KHDRBS2: variants seen among roughly 807,000 people sequenced by gnomAD.
KHDRBS2 encodes KH RNA binding domain containing, signal transduction associated 2.
KHDRBS2 carries 26 observed loss-of-function variants against 44.3 expected under a neutral mutation model. The observed-to-expected ratio is 0.59, with a 90% CI of 0.43 to 0.81. The LOEUF is 0.81. KHDRBS2 is among the 40% of genes least tolerant of loss of function. KHDRBS2 has a pLI of 0.00. For synonymous variants in KHDRBS2, 194 were observed against 151.1 expected (o/e 1.28, Z -2.08); for missense variants, 476 against 433.1 (o/e 1.10, Z -0.88).
chr6:62,159,265 G>GT lies in KHDRBS2; in HGVS notation c.219+17919dup, dbSNP rs139667021. On this transcript the variant is annotated intron_variant, in intron 2 of 8. Coordinates refer to ENST00000281156, the MANE Select transcript of KHDRBS2 (RefSeq NM_152688.4). ...TAACAAGAAAATTTGGTTAAGCAAAGTAACCGATTAGCTAGGCATTACAGT... is the reference window on the plus strand; with the variant it reads ...TAACAAGAAAATTTGGTTAAGCAAAGTTAACCGATTAGCTAGGCATTACAGT... 8.0e-3 allele frequency among the ~76,000 whole-genome samples: 1,216 copies of GT among 152,228 alleles called. 12 individuals are homozygous for GT. Among genetic ancestry groups the GT allele is most frequent in the African/African-American group, 0.027 (1,139 of 41,536 alleles).
chr6:61,603,772 A>G, the KHDRBS2 span, among the ~76,000 whole-genome samples: 2 of 151,914 alleles, frequency 1.3e-5, no homozygotes, highest in Non-Finnish European at 2.9e-5. Flanking sequence ...GCCTCCCACA[A>G]TTACCATTGT....
At chr6:61,547,083 C>T in the KHDRBS2 span, among the ~76,000 whole-genome samples, 6 of 151,992 alleles carry the variant, frequency 3.9e-5, no homozygotes, top group South Asian at 6.2e-4. Flanking sequence ...ACGTTCACAT[C>T]TTTGGGATGT....
chr6:62,087,615 G>T (rs1240501549), intron 2 of KHDRBS2, among the ~76,000 whole-genome samples: 2 of 152,068 alleles, frequency 1.3e-5, no homozygotes, highest in Non-Finnish European at 2.9e-5. Flanking sequence ...CTCTCTAGTT[G>T]CCCTTAACAT....
intron 2 of KHDRBS2, among the ~76,000 whole-genome samples, chr6:62,135,630 T>C (rs1475691090): frequency 6.6e-6 from 1 of 152,116 alleles, no homozygotes; most frequent in African/African-American, 2.4e-5. Flanking sequence ...ACAACCTCAG[T>C]GTCCATGGAT....
In KHDRBS2 at chr6:61,784,309, A is replaced by T. The variant is rs560164553; in HGVS notation, c.811-51545T>A. On this transcript the variant is annotated intron_variant, in intron 6 of 8. Coordinates refer to ENST00000281156, the MANE Select transcript of KHDRBS2 (RefSeq NM_152688.4). ...ATTATTATAGTAATTGGATAAGTTT[A>T]AAAAATTATCTACTTCATTTAATGA... is the stretch of plus-strand genomic sequence containing the variant. Among the ~76,000 whole-genome samples, 4 of 151,878 alleles carry T rather than the reference A, an allele frequency of 2.6e-5. No homozygotes were observed. In the South Asian group the frequency reaches 8.3e-4, roughly 32 times the overall value.
At chr6:62,238,943 C>T (rs1006474919) in intron 1 of KHDRBS2, among the ~76,000 whole-genome samples, 2 of 151,938 alleles carry the variant, frequency 1.3e-5, no homozygotes, top group Admixed American at 6.6e-5. Context: ...AATGAGAAAA[C>T]AATCTAAGCA....
Position 62,286,115 on chromosome 6 carries a change from G to C in KHDRBS2, c.-167C>G. The stretch of plus-strand genomic sequence containing the variant: ...GCACCCAGCACCTGCGACTCCCGCC[G>C]TCGGGCTGCGTGGCCCCGCGCCCAC... On this transcript the variant is annotated 5_prime_UTR_variant, in exon 1 of 9. Coordinates refer to ENST00000281156, the MANE Select transcript of KHDRBS2 (RefSeq NM_152688.4). 1.7e-6 allele frequency: 1 copy of C among 578,558 alleles called. No homozygotes were observed. The highest frequency in any genetic ancestry group is 2.1e-5 in the South Asian group (1 of 47,544). 35.8% of individuals were successfully genotyped at this position (578,558 alleles called of 1,614,324 possible). A position where few individuals can be genotyped will look rare whatever the true frequency, so the allele number is the denominator to read the frequency against.
chr6:61,683,030 C>G (rs1256633594), intron 8 of KHDRBS2, among the ~76,000 whole-genome samples: 1 of 151,786 alleles, frequency 6.6e-6, no homozygotes, highest in African/African-American at 2.4e-5. Context: ...GAATGTACTA[C>G]TTTTTGCTCC....
At chr6:61,754,157 AG>A (rs1476908615) in intron 6 of KHDRBS2, among the ~76,000 whole-genome samples, 1 of 152,188 alleles carries the variant, frequency 6.6e-6, no homozygotes, top group South Asian at 2.1e-4. Context: ...CAGCAGCATT[AG>A]GTAACTAATA....
chr6:61,593,965 A>C, the KHDRBS2 span, among the ~76,000 whole-genome samples: 1 of 152,132 alleles, frequency 6.6e-6, no homozygotes, highest in Non-Finnish European at 1.5e-5. Flanking sequence ...ATGACATTCC[A>C]GTCAAAGCTT....
intron 1 of KHDRBS2, among the ~76,000 whole-genome samples, chr6:62,255,969 T>TA (rs990491583): frequency 2.1e-4 from 31 of 147,202 alleles, no homozygotes; most frequent in African/African-American, 2.2e-4. Context: ...CTGTCTTTAC[T>TA]AAAAAAAAAA....
chr6:61,544,468 A>G, the KHDRBS2 span, among the ~76,000 whole-genome samples: 1 of 152,122 alleles, frequency 6.6e-6, no homozygotes, highest in Non-Finnish European at 1.5e-5. Flanking sequence ...CCTCCAAGCT[A>G]AAATAGCAAA....
intron 6 of KHDRBS2, among the ~76,000 whole-genome samples, chr6:61,809,577 A>G (rs1051281355): frequency 1.3e-5 from 2 of 152,128 alleles, no homozygotes; most frequent in Non-Finnish European, 2.9e-5. Context: ...AAAAACCTAA[A>G]GCCAATGTTT....
chr6:61,612,665 A>G, the KHDRBS2 span, among the ~76,000 whole-genome samples: 1 of 152,170 alleles, frequency 6.6e-6, no homozygotes, highest in East Asian at 1.9e-4. Context: ...CACTTTACAT[A>G]TATTATTTCA....
At chr6:62,080,308 T>G (rs1797150543) in intron 2 of KHDRBS2, among the ~76,000 whole-genome samples, 1 of 152,088 alleles carries the variant, frequency 6.6e-6, no homozygotes, top group African/African-American at 2.4e-5. Flanking sequence ...CAAACCTCTA[T>G]AGACAAATCT....
At chr6:62,078,013 C>T (rs1468154722) in intron 2 of KHDRBS2, among the ~76,000 whole-genome samples, 1 of 152,016 alleles carries the variant, frequency 6.6e-6, no homozygotes, top group East Asian at 1.9e-4. Flanking sequence ...TGAAAATGCA[C>T]ACGTAGCATC....
chr6:61,848,679 C>G (rs1253117512), intron 6 of KHDRBS2, among the ~76,000 whole-genome samples: 2 of 145,290 alleles, frequency 1.4e-5, no homozygotes, highest in African/African-American at 5.1e-5. Context: ...CTCTGAAGTA[C>G]TTTCCTGGTC....
chr6:61,623,895 G>A, the KHDRBS2 span, among the ~76,000 whole-genome samples: 6 of 152,144 alleles, frequency 3.9e-5, no homozygotes, highest in Admixed American at 3.3e-4. Flanking sequence ...AAAACACAGT[G>A]GAGAGAGAAA....
In KHDRBS2 at chr6:61,697,233, T is replaced by C. The variant is rs61753608; in HGVS notation, c.914A>G (p.Tyr305Cys). 3,103 of 1,608,720 alleles carry C rather than the reference T, an allele frequency of 1.9e-3. 7 individuals carry two copies. The highest frequency in any genetic ancestry group is 2.5e-3 in the Non-Finnish European group (2,914 of 1,175,226). Reference protein sequence around the residue: ...QTQSVPEYYDYGHGVSEDAYD... With the variant: ...QTQSVPEYYDCGHGVSEDAYD... ...GGCATCCTCACTTACTCCATGACCG[T>C]AGTCATAGTATTCAGGCACACTGCA... Residue 305 changes from tyrosine to cysteine, a missense_variant, in exon 8 of 9, where the codon TAC (tyrosine) becomes TGC (cysteine). Physicochemically the swap from Tyr to Cys is radical, Grantham distance 194 (BLOSUM62 -2). Coordinates refer to ENST00000281156, the MANE Select transcript of KHDRBS2 (RefSeq NM_152688.4).
Sources: allele counts gnomAD v4.1 joint callset (sites outside exome capture counted in the v4.1 genomes callset), GRCh38; gene constraint gnomAD v4.1.1; transcripts MANE v1.5; gene names NCBI Gene and HGNC (gene_info 2026-07-23, HGNC 2026-07-21).